Variants in TECPR1 observed in about 807,000 individuals in gnomAD.
TECPR1 encodes tectonin beta-propeller repeat-containing protein 1.
Under a neutral mutation model 162.4 loss-of-function variants are expected in TECPR1, and 122 were observed. That is an observed-to-expected ratio of 0.75 (90% CI 0.65 to 0.87). The LOEUF (loss-of-function observed/expected upper bound fraction) is 0.87. Among genes scored for constraint, TECPR1 ranks in the 40% least tolerant of loss-of-function variants. The pLI is 0.00. For missense variants in TECPR1, 1,432 were observed against 1,618.2 expected, an observed-to-expected ratio of 0.88 and a Z score of 1.97; for synonymous variants, 642 against 670.6, an observed-to-expected ratio of 0.96 and a Z score of 0.66.
In TECPR1 at chr7:98,233,643, C is replaced by CGGCCGGGGTGGGGGCCG; in HGVS notation, c.1433_1449dup (p.Glu484ArgfsTer133). ...AGGTCAATATTGGTCCAGGGCAGCT[C>CGGCCGGGGTGGGGGCCG]GGCCGGGGTGGGGGCCGGGCCGGGG... On this transcript the variant is annotated frameshift_variant, in exon 11 of 26. Transcript: ENST00000447648. LOFTEE classifies it high-confidence loss of function. 6.3e-7 allele frequency: 1 copy of CGGCCGGGGTGGGGGCCG among 1,590,308 alleles called. No individual in the cohort carries two copies. The highest frequency in any genetic ancestry group is 8.6e-7 in the Non-Finnish European group (1 of 1,167,042).
rs371067096 is a variant in TECPR1, at chr7:98,229,030, C to T, written c.2410+9G>A. 16 of 1,599,778 alleles carry T rather than the reference C, an allele frequency of 1.0e-5. No homozygotes were observed. The highest frequency in any genetic ancestry group is 3.4e-5 in the Admixed American group (2 of 58,788). The stretch of plus-strand genomic sequence containing the variant: ...GGAAGGCTCCGGGGGGGCTGTGGGC[C>T]GCCCTCACCTTGGAAGCAGCCGCCT... On this transcript the variant is annotated intron_variant, in intron 16 of 25. Transcript: ENST00000447648.
chr7:98,218,000 T>C lies in TECPR1; in HGVS notation c.3200A>G (p.Gln1067Arg), dbSNP rs1246024225. The C allele has an allele frequency of 3.2e-6, 5 of 1,567,654 alleles. No individual in the cohort carries two copies. In the Admixed American group the frequency reaches 5.7e-5, roughly 18 times the overall value. Residue 1067 changes from glutamine (Q) to arginine (R), a missense_variant, in exon 24 of 26, where the codon CAG becomes CGG. By Grantham distance (43) the Gln-to-Arg change is conservative. Coordinates refer to ENST00000447648, the MANE Select transcript of TECPR1 (RefSeq NM_015395.3). The part of the protein sequence containing the change: ...YRQGITPSYP[Q>R]GSSWEHVSNN... Reference sequence around the variant, plus strand: ...GGACACGTGCTCCCAGCTGGAGCCCTGCGGGTAGCTGGGCGTGATCCCTTG... The same window carrying C: ...GGACACGTGCTCCCAGCTGGAGCCCCGCGGGTAGCTGGGCGTGATCCCTTG...
rs1487393264 is a variant in TECPR1, at chr7:98,231,050, G to A, written c.2193C>T (p.Ile731=). The A allele has an allele frequency of 6.2e-7, 1 of 1,612,190 alleles. No homozygotes were observed. Among genetic ancestry groups the A allele is most frequent in the East Asian group, 2.2e-5 (1 of 44,848 alleles). ...TGTCCCCCTTGCAGGTGATGGACCA[G>A]ATGGCCTGCGGGGACGGGCGGCCCT... ...KVQGRPSPQA[I]WSITCKGDIF... The change falls in exon 15 of 26, where the codon ATC becomes ATT. Residue 731 remains isoleucine, a synonymous_variant. Coordinates refer to ENST00000447648, the MANE Select transcript of TECPR1 (RefSeq NM_015395.3).
At chr7:98,242,975 CACCCATCCATCCATCCACCCACCCAT>C (rs1798802622) in intron 6 of TECPR1, among the ~76,000 whole-genome samples, 1 of 67,448 alleles carries the variant, frequency 1.5e-5, no homozygotes, top group Non-Finnish European at 3.3e-5. Flanking sequence ...CATCCACCCA[CACCCATCCATCCATCCACCCACCCAT>C]CCACCCATCC....
chr7:98,230,853 G>C, intron 15 of TECPR1, 108 bp downstream of exon 15: 1 of 1,402,788 alleles, frequency 7.1e-7, no homozygotes, highest in African/African-American at 1.4e-5. Context: ...CCTGGTCAGC[G>C]AGAAGCTTGA....
rs1292824440 is a variant in TECPR1, at chr7:98,232,745, C to G, written c.1818+82G>C. On this transcript the variant is annotated intron_variant, in intron 12 of 25. Coordinates refer to ENST00000447648, the MANE Select transcript of TECPR1 (RefSeq NM_015395.3). This position sits in a 1 kb window ranked among gnomAD's most constrained non-coding sequence, Gnocchi z 4.6. Reference sequence around the variant, plus strand: ...GATGGAGGCATCTATCTGTTTCTCTCAGAGCTGGTACACAGCAGGCGCTCA... The same window carrying G: ...GATGGAGGCATCTATCTGTTTCTCTGAGAGCTGGTACACAGCAGGCGCTCA... 2.1e-6 allele frequency: 3 copies of G among 1,444,344 alleles called. No individual in the cohort carries two copies. The highest frequency in any genetic ancestry group is 2.7e-6 in the Non-Finnish European group (3 of 1,095,524). The allele number at this position is 1,444,344 out of a possible 1,614,324, so 89.5% of individuals were successfully genotyped here. A position where few individuals can be genotyped will look rare whatever the true frequency, so the allele number is the denominator to read the frequency against.
intron 8 of TECPR1, among the ~76,000 whole-genome samples, chr7:98,239,678 G>T (rs192465362): frequency 3.3e-5 from 5 of 152,322 alleles, no homozygotes; most frequent in South Asian, 4.1e-4. Context: ...GATCCAATGT[G>T]GGGGACAGTC....
chr7:98,240,399 C>T (rs1293695365), intron 8 of TECPR1, among the ~76,000 whole-genome samples: 2 of 152,068 alleles, frequency 1.3e-5, no homozygotes, highest in Non-Finnish European at 2.9e-5. Flanking sequence ...GCATGGTGCT[C>T]AGCTGGTGCC....
intron 10 of TECPR1, 123 bp from the exon 11 acceptor site, chr7:98,234,034 C>T: frequency 7.9e-7 from 1 of 1,266,456 alleles, no homozygotes; most frequent in South Asian, 1.6e-5. Context: ...CAGAACCTCT[C>T]TGAACTCCTG....
chr7:98,225,186 G>T, intron 17 of TECPR1, 84 bp from the exon 18 acceptor site: 1 of 1,286,922 alleles, frequency 7.8e-7, no homozygotes, highest in Non-Finnish European at 1.1e-6. Flanking sequence ...ACCCCACAGG[G>T]AAGCACCGAG....
chr7:98,228,154 A>G (rs767588981), intron 16 of TECPR1, 38 bp from the exon 17 acceptor site: 1 of 1,493,410 alleles, frequency 6.7e-7, no homozygotes, highest in African/African-American at 1.4e-5. Flanking sequence ...GAGGCCACAT[A>G]CGCTCCGCTT....
intron 23 of TECPR1, among the ~76,000 whole-genome samples, chr7:98,218,573 AG>A (rs1307545099): frequency 6.6e-6 from 1 of 152,262 alleles, no homozygotes; most frequent in Non-Finnish European, 1.5e-5. Flanking sequence ...GCTACATGCC[AG>A]CAGCAACCAG....
chr7:98,223,291 C>T, intron 20 of TECPR1, 121 bp from the exon 21 acceptor site: 2 of 1,033,868 alleles, frequency 1.9e-6, no homozygotes, highest in Non-Finnish European at 2.8e-6. Flanking sequence ...GAAAGAGGGG[C>T]CCAGAGGTGG....
chr7:98,222,828 C>A, intron 21 of TECPR1, 162 bp downstream of exon 21: 1 of 988,614 alleles, frequency 1.0e-6, no homozygotes. Context: ...CCGCCCCACC[C>A]GCCTCATTCC....
At position 98,225,091 on chromosome 7, in the gene TECPR1, G is replaced by A. The variant is rs565863173; in HGVS notation, c.2525C>T (p.Thr842Met). ...GGCATCGCTCCACATGTACCGGTCC[G>A]TGGGCAGACCCCTGCGGCAGGACAA... ...VTGYTSRGLP[T>M]DRYMWSDASG... Residue 842 changes from threonine (T) to methionine (M), a missense_variant, in exon 18 of 26, where the codon ACG becomes ATG. Transcript: ENST00000447648. The A allele has an allele frequency of 9.1e-5, 143 of 1,568,426 alleles. No individual in the cohort carries two copies. The South Asian group carries it at 1.3e-3, about 14-fold the overall frequency.
intron 16 of TECPR1, chr7:98,228,474 T>C (rs993270382): frequency 1.9e-4 from 52 of 276,428 alleles, no homozygotes; most frequent in Non-Finnish European, 3.3e-4. Context: ...CCTGGGACCA[T>C]CAACGTAACC....
rs1584330280 is a variant in TECPR1 at position 98,227,529 on chromosome 7, A to G, written c.2513+485T>C. ...AGGTAGAAACTTTGTCAATACAGTT[A>G]GAGACTTCTGACCGGGCGTGGTGGC... On this transcript the variant is annotated intron_variant, in intron 17 of 25. Coordinates refer to ENST00000447648, the MANE Select transcript of TECPR1 (RefSeq NM_015395.3). 2.6e-5 allele frequency among the ~76,000 whole-genome samples: 4 copies of G among 151,894 alleles called. No individual in the cohort carries two copies. The South Asian group carries it at 8.3e-4, about 32-fold the overall frequency.
At chr7:98,237,572 G>A (rs12531433) in intron 9 of TECPR1, among the ~76,000 whole-genome samples, 36,994 of 151,930 alleles carry the variant, frequency 0.24, 4,881 homozygotes, top group East Asian at 0.46. Flanking sequence ...AGCTTCAACC[G>A]ATTCTCCTGC....
At chr7:98,235,849 A>AAAAAAAAAAAAAAACAAAAACAAC in intron 10 of TECPR1, among the ~76,000 whole-genome samples, 2 of 110,254 alleles carry the variant, frequency 1.8e-5, no homozygotes, top group Non-Finnish European at 4.1e-5. Flanking sequence ...AAAAAAAAAA[A>AAAAAAAAAAAAAAACAAAAACAAC]AACACCATCT....
Sources: gnomAD v4.1 joint callset for allele counts (sites outside exome capture counted in the v4.1 genomes callset) on GRCh38, gnomAD v4.1.1 for gene constraint, Gnocchi (gnomAD v3.1) non-coding constraint, MANE v1.5 for transcripts, NCBI Gene and HGNC (gene_info 2026-07-23, HGNC 2026-07-21) for gene names.